WDR59: variants seen among roughly 807,000 people sequenced by gnomAD.
WDR59 encodes the protein WD repeat domain 59.
WDR59 carries 100 observed loss-of-function variants against 131.2 expected under a neutral mutation model. The observed-to-expected ratio is 0.76, with a 90% confidence interval of 0.65 to 0.90. The LOEUF (loss-of-function observed/expected upper bound fraction) is 0.90, where lower values mean the gene tolerates loss of function less well. Among genes scored for constraint, WDR59 ranks in the 40% least tolerant of loss-of-function variants. The pLI is 0.00. For missense variants in WDR59, 1,203 were observed against 1,262.2 expected, an observed-to-expected ratio of 0.95 and a Z score of 0.71; for synonymous variants, 601 against 466.2, an observed-to-expected ratio of 1.29 and a Z score of -3.72.
rs1280823633 is a variant in WDR59, at chr16:74,889,931, C to CAA, written c.2083-118_2083-117dup. 4.4e-6 allele frequency: 3 copies of CAA among 674,766 alleles called. No individual in the cohort carries two copies. In the Admixed American group the frequency reaches 9.3e-5, roughly 21 times the overall value. 41.8% of individuals were successfully genotyped at this position (674,766 alleles called of 1,614,324 possible). ...TGATGCCTTGCTACATTGGGGGCAG[C>CAA]AAAAGCTGGATCCTTATTGAAATGC... is the stretch of plus-strand genomic sequence containing the variant. On this transcript the variant is annotated intron_variant, in intron 20 of 25. Transcript: ENST00000262144.
rs61733726 is a variant in WDR59, at chr16:74,887,695, C to T, written c.2407G>A (p.Gly803Ser). The T allele has an allele frequency of 2.8e-5, 46 of 1,614,090 alleles. 1 individual carries two copies. Among genetic ancestry groups the T allele is most frequent in the Admixed American group, 6.7e-5 (4 of 60,012 alleles). Residue 803 changes from glycine (G) to serine (S), a missense_variant, in exon 23 of 26, where the codon GGC becomes AGC. Gly to Ser is a moderately conservative substitution (Grantham distance 56). Transcript: ENST00000262144. The stretch of plus-strand genomic sequence containing the variant: ...TTTCCATACAAACCTATGTTCCAGC[C>T]GCCAGTGTTGAGCCCTGGGTCTGAC... Reference protein sequence around the residue: ...SMSDPGLNTGGWNIAGREAEH... With the variant: ...SMSDPGLNTGSWNIAGREAEH...
In WDR59 at chr16:74,871,727, G is replaced by C. The variant is rs1255192235; in HGVS notation, c.*2482C>G. 1 of 152,222 alleles carries C rather than the reference G, an allele frequency of 6.6e-6. No homozygotes were observed. The highest frequency in any genetic ancestry group is 1.5e-5 in the Non-Finnish European group (1 of 68,044). The allele number at this position is 152,222 out of a possible 1,614,324, so 9.4% of individuals were successfully genotyped here. On this transcript the variant is annotated 3_prime_UTR_variant, in exon 26 of 26. Coordinates refer to ENST00000262144, the MANE Select transcript of WDR59 (RefSeq NM_030581.4). ...TGTGATTTCACTGAGGAACACAACA[G>C]ATCCTTTCTCTCTGTGTAAATCAGC...
rs1597822789 is a variant in WDR59 at position 74,976,310 on chromosome 16, C to A, written c.54+8654G>T. ...TGTTGCAATGCTGAGACTAATAAAT[C>A]ACCAACCATTATTAGGTCAGAAGAG... On this transcript the variant is annotated intron_variant, in intron 1 of 25. Transcript: ENST00000262144. Among the ~76,000 whole-genome samples, 5 of 152,214 alleles carry A rather than the reference C, an allele frequency of 3.3e-5. No homozygotes were observed. The Middle Eastern group carries it at 0.017, about 518-fold the overall frequency.
In WDR59 at chr16:74,942,728, G is replaced by A. The variant is rs754831768; in HGVS notation, c.534+10C>T. 1 of 1,613,394 alleles carries A rather than the reference G, an allele frequency of 6.2e-7. No individual in the cohort carries two copies. The highest frequency in any genetic ancestry group is 1.1e-5 in the South Asian group (1 of 91,052). On this transcript the variant is annotated intron_variant, in intron 7 of 25. Coordinates refer to ENST00000262144, the MANE Select transcript of WDR59 (RefSeq NM_030581.4). ...AAAGACCAATAAGGGCGAAAAAAGA[G>A]ATTACTCACCCTCTTATCCCATATC...
intron 10 of WDR59, among the ~76,000 whole-genome samples, chr16:74,920,174 A>G (rs540192091): frequency 7.9e-5 from 12 of 152,210 alleles, no homozygotes; most frequent in Non-Finnish European, 1.5e-4. Flanking sequence ...CCCAATTTAC[A>G]ATGGTTCAAC....
At position 74,917,992 on chromosome 16, in the gene WDR59, T is replaced by C. The variant is rs767925031; in HGVS notation, c.903A>G (p.Gln301=). The change falls in exon 11 of 26, where the codon CAA becomes CAG. Residue 301 remains glutamine (Q), a synonymous_variant. Transcript: ENST00000262144. ...TCTGATCCCGGGACCACGTCACCAGTTGATAGTCCTTGGACCCTAGAAATC... is the reference window on the plus strand; with the variant it reads ...TCTGATCCCGGGACCACGTCACCAGCTGATAGTCCTTGGACCCTAGAAATC... ...RKQKEGSKDY[Q]LVTWSRDQTL... 14 of 1,613,790 alleles carry C rather than the reference T, an allele frequency of 8.7e-6. No homozygotes were observed. In the Middle Eastern group the frequency reaches 4.9e-4, roughly 57 times the overall value.
chr16:74,936,209 C>T (rs1048118247), intron 8 of WDR59, among the ~76,000 whole-genome samples: 2 of 151,784 alleles, frequency 1.3e-5, no homozygotes, highest in Non-Finnish European at 1.5e-5. Context: ...GTGAGAAACA[C>T]GTAGCTTTGA....
chr16:74,981,637 T>TATATATATATATAC (rs2034417859), intron 1 of WDR59, among the ~76,000 whole-genome samples: 8 of 31,492 alleles, frequency 2.5e-4, no homozygotes, highest in African/African-American at 1.0e-3. Flanking sequence ...TATATATATA[T>TATATATATATATAC]ATATATATAT....
chr16:74,927,272 C>T (rs1475960194), intron 8 of WDR59, among the ~76,000 whole-genome samples: 1 of 152,108 alleles, frequency 6.6e-6, no homozygotes, highest in Non-Finnish European at 1.5e-5. Flanking sequence ...AGTAGCTAAA[C>T]ATAAAATGAG....
chr16:74,918,219 C>G (rs866590722), intron 10 of WDR59, among the ~76,000 whole-genome samples: 1 of 151,936 alleles, frequency 6.6e-6, no homozygotes. Flanking sequence ...TAGAAAGAGA[C>G]AAATATCTGA....
intron 1 of WDR59, among the ~76,000 whole-genome samples, chr16:74,968,350 G>A (rs2033854892): frequency 6.6e-6 from 1 of 152,234 alleles, no homozygotes; most frequent in African/African-American, 2.4e-5. Context: ...AAGGACCTGA[G>A]ACAGCATGTA....
At chr16:74,915,028 C>T (rs1458118164) in intron 13 of WDR59, among the ~76,000 whole-genome samples, 2 of 152,124 alleles carry the variant, frequency 1.3e-5, no homozygotes, top group African/African-American at 4.8e-5. Flanking sequence ...CAATACTTGC[C>T]CCCAAAAAAG....
intron 1 of WDR59, among the ~76,000 whole-genome samples, chr16:74,967,486 A>G (rs2033820536): frequency 6.6e-6 from 1 of 152,162 alleles, no homozygotes; most frequent in Non-Finnish European, 1.5e-5. Flanking sequence ...CCTGCTATTC[A>G]ACATTCACTG....
intron 2 of WDR59, 43 bp from the exon 3 acceptor site, chr16:74,956,653 A>G (rs1171654887): frequency 3.8e-6 from 6 of 1,594,786 alleles, no homozygotes; most frequent in Non-Finnish European, 1.7e-6. Flanking sequence ...AAAACACAAC[A>G]TCATTAGCAT....
intron 25 of WDR59, among the ~76,000 whole-genome samples, chr16:74,880,015 G>C (rs1408939823): frequency 1.3e-5 from 2 of 152,028 alleles, no homozygotes; most frequent in East Asian, 3.9e-4. Context: ...GTGAGACTCT[G>C]TTTCTATTTT....
intron 1 of WDR59, among the ~76,000 whole-genome samples, chr16:74,969,273 A>C (rs922092082): frequency 6.6e-6 from 1 of 152,028 alleles, no homozygotes; most frequent in South Asian, 2.1e-4. Context: ...TATATTATAC[A>C]TATTTGTTTT....
rs1193787995 is a variant in WDR59, at chr16:74,984,592, C to A, written c.54+372G>T. 5 of 287,240 alleles carry A rather than the reference C, an allele frequency of 1.7e-5. No homozygotes were observed. The East Asian group carries it at 2.8e-4, about 16-fold the overall frequency. 17.8% of individuals were successfully genotyped at this position (287,240 alleles called of 1,614,324 possible). Reference sequence around the variant, plus strand: ...CACGCAGCTGAGACTTAGAAAAGTCCCGCGACTTGCCTTAAGTCGCCACAC... The same window carrying A: ...CACGCAGCTGAGACTTAGAAAAGTCACGCGACTTGCCTTAAGTCGCCACAC... On this transcript the variant is annotated intron_variant, in intron 1 of 25. Coordinates refer to ENST00000262144, the MANE Select transcript of WDR59 (RefSeq NM_030581.4).
At chr16:74,926,746 G>C (rs1392597162) in intron 8 of WDR59, among the ~76,000 whole-genome samples, 1 of 152,188 alleles carries the variant, frequency 6.6e-6, no homozygotes, top group Non-Finnish European at 1.5e-5. Flanking sequence ...GTTTTGCTTG[G>C]TTTGGTTAAT....
At chr16:74,924,037 A>G (rs1488698821) in intron 8 of WDR59, 34 bp from the exon 9 acceptor site, 2 of 1,599,774 alleles carry the variant, frequency 1.3e-6, no homozygotes. Context: ...TTTGTGAAAT[A>G]AATGCCATTA....
Sources: allele counts gnomAD v4.1 joint callset (sites outside exome capture counted in the v4.1 genomes callset), GRCh38; gene constraint gnomAD v4.1.1; transcripts MANE v1.5; gene names NCBI Gene and HGNC (gene_info 2026-07-23, HGNC 2026-07-21).